DNAAF11: variants seen among roughly 807,000 people sequenced by gnomAD.
DNAAF11 encodes the protein leucine rich repeat containing 6.
Under a neutral mutation model 60.8 loss-of-function variants are expected in DNAAF11, and 45 were observed. The ratio of observed to expected loss-of-function variants is 0.74; its 90% CI spans 0.58 to 0.95. The LOEUF is 0.95. Ranked by LOEUF, DNAAF11 falls within the 40% of genes least tolerant of loss-of-function variation. The probability of loss-of-function intolerance (pLI) is 0.00; values close to 1 mark genes in which losing one functional copy is unlikely to be tolerated. For synonymous variants in DNAAF11, 191 were observed against 183.5 expected, an observed-to-expected ratio of 1.04 and a Z score of -0.33; for missense variants, 546 against 546.2, an observed-to-expected ratio of 1.00 and a Z score of 0.00.
At chr8:132,655,091 A>T (rs892339524) in intron 3 of DNAAF11, among the ~76,000 whole-genome samples, 4 of 151,840 alleles carry the variant, frequency 2.6e-5, no homozygotes, top group South Asian at 2.1e-4. Context: ...TATTGACATT[A>T]AAAAAAATGA....
At chr8:132,629,960 G>C (rs976177455) in intron 5 of DNAAF11, among the ~76,000 whole-genome samples, 1 of 152,132 alleles carries the variant, frequency 6.6e-6, no homozygotes, top group African/African-American at 2.4e-5. Context: ...CTTTTACAGA[G>C]AAAATTTAAA....
At chr8:132,604,797 A>G (rs1425288291) in intron 10 of DNAAF11, among the ~76,000 whole-genome samples, 1 of 152,200 alleles carries the variant, frequency 6.6e-6, no homozygotes, top group Admixed American at 6.5e-5. Context: ...TACATATAAT[A>G]TCTATAAATA....
chr8:132,646,974 C>T (rs1822463473), intron 3 of DNAAF11, among the ~76,000 whole-genome samples: 1 of 152,168 alleles, frequency 6.6e-6, no homozygotes, highest in South Asian at 2.1e-4. Flanking sequence ...GAATTGAACT[C>T]AGCTCTGCAC....
At chr8:132,578,437 C>T in intron 11 of DNAAF11, 1 of 1,514,370 alleles carries the variant, frequency 6.6e-7, no homozygotes, top group Non-Finnish European at 8.8e-7. Flanking sequence ...ATGTCAGAGG[C>T]CTCTAGGACG....
At chr8:132,673,009 C>T (rs747339040) in intron 1 of DNAAF11, among the ~76,000 whole-genome samples, 7 of 152,104 alleles carry the variant, frequency 4.6e-5, no homozygotes, top group Non-Finnish European at 1.0e-4. Context: ...AAAAAGGGCA[C>T]ACAGGAGCAG....
At chr8:132,644,974 G>A (rs1216209445) in intron 3 of DNAAF11, among the ~76,000 whole-genome samples, 1 of 152,208 alleles carries the variant, frequency 6.6e-6, no homozygotes, top group Non-Finnish European at 1.5e-5. Context: ...TGACAGCTTT[G>A]AAGAGAGTAG....
At chr8:132,602,465 T>C (rs549536012) in intron 10 of DNAAF11, among the ~76,000 whole-genome samples, 51 of 152,202 alleles carry the variant, frequency 3.4e-4, no homozygotes, top group Middle Eastern at 3.4e-3. Context: ...TTGGCCGCCT[T>C]CCCTTCCAGC....
intron 10 of DNAAF11, among the ~76,000 whole-genome samples, chr8:132,589,989 C>G (rs185678376): frequency 6.6e-6 from 1 of 152,312 alleles, no homozygotes; most frequent in East Asian, 1.9e-4. Context: ...TCAGTGCAGA[C>G]CTTTGCAGTA....
the DNAAF11 span, among the ~76,000 whole-genome samples, chr8:132,694,298 A>G: frequency 6.6e-6 from 1 of 152,200 alleles, no homozygotes; most frequent in African/African-American, 2.4e-5. Context: ...GTACAGAGTT[A>G]ATGAAATTAA....
chr8:132,697,493 C>T, the DNAAF11 span, among the ~76,000 whole-genome samples: 2 of 152,060 alleles, frequency 1.3e-5, no homozygotes, highest in African/African-American at 4.8e-5. Context: ...TGGCATGCAC[C>T]TGTAATCCCC....
chr8:132,582,585 T>C (rs1474742934), intron 11 of DNAAF11, among the ~76,000 whole-genome samples: 4 of 152,106 alleles, frequency 2.6e-5, no homozygotes, highest in Admixed American at 6.5e-5. Context: ...AGCTGGGAAA[T>C]AGAGTGGATT....
intron 5 of DNAAF11, among the ~76,000 whole-genome samples, chr8:132,629,511 C>T (rs985196292): frequency 6.6e-6 from 1 of 151,998 alleles, no homozygotes; most frequent in Admixed American, 6.6e-5. Flanking sequence ...CCACACCTGG[C>T]TAATTTTTTG....
rs1230518473 is a variant in DNAAF11 at position 132,632,391 on chromosome 8, A to C, written c.653+349T>G. ...TTATGATGCAATTAGAATTATTCAA[A>C]TTATAATGTGATTTGTATTTAACTT... is the stretch of plus-strand genomic sequence containing the variant. On this transcript the variant is annotated intron_variant, in intron 5 of 11. Coordinates refer to ENST00000620350, the MANE Select transcript of DNAAF11 (RefSeq NM_012472.6). 2.0e-5 allele frequency among the ~76,000 whole-genome samples: 3 copies of C among 152,250 alleles called. No individual in the cohort carries two copies. In the East Asian group the frequency reaches 5.8e-4, roughly 29 times the overall value.
intron 4 of DNAAF11, 32 bp from the exon 5 acceptor site, chr8:132,632,995 G>T: frequency 1.3e-6 from 2 of 1,490,786 alleles, no homozygotes; most frequent in Non-Finnish European, 1.9e-6. Context: ...TAGTACAATT[G>T]TTCAAAAGTA....
chr8:132,615,584 A>G (rs1257313579), intron 7 of DNAAF11, among the ~76,000 whole-genome samples: 1 of 152,118 alleles, frequency 6.6e-6, no homozygotes, highest in Admixed American at 6.6e-5. Context: ...TGCCCTGAAA[A>G]AGGCTGAGAC....
chr8:132,635,971 G>A (rs781287628), intron 4 of DNAAF11, among the ~76,000 whole-genome samples: 15 of 152,006 alleles, frequency 9.9e-5, no homozygotes, highest in South Asian at 4.2e-4. Context: ...ATTCTCCCTC[G>A]CAGCCCCTGG....
At chr8:132,605,862 C>G (rs563109981) in intron 10 of DNAAF11, among the ~76,000 whole-genome samples, 2 of 150,978 alleles carry the variant, frequency 1.3e-5, no homozygotes, top group Non-Finnish European at 2.9e-5. Flanking sequence ...AGATGCTTGT[C>G]ATGTTTGTGA....
chr8:132,625,862 T>C (rs184015857), intron 5 of DNAAF11, among the ~76,000 whole-genome samples: 99 of 152,312 alleles, frequency 6.5e-4, no homozygotes, highest in African/African-American at 2.4e-3. Flanking sequence ...TGTTTTATAA[T>C]ATTTTGCAGG....
chr8:132,648,353 C>A (rs966866188), intron 3 of DNAAF11, among the ~76,000 whole-genome samples: 1 of 152,110 alleles, frequency 6.6e-6, no homozygotes, highest in Non-Finnish European at 1.5e-5. Flanking sequence ...ATTGATGAGA[C>A]GTATCTCAAA....
Sources: allele counts gnomAD v4.1 joint callset (sites outside exome capture counted in the v4.1 genomes callset), GRCh38; gene constraint gnomAD v4.1.1; transcripts MANE v1.5; gene names NCBI Gene and HGNC (gene_info 2026-07-23, HGNC 2026-07-21).